Variants in EML2 observed in about 807,000 individuals in gnomAD.
The protein encoded by EML2 is EMAP like 2.
In EML2, 59 loss-of-function variants were observed where a neutral mutation model predicts 84.7. The ratio of observed to expected loss-of-function variants is 0.70; its 90% CI spans 0.56 to 0.86. EML2 has a LOEUF of 0.86. Among genes scored for constraint, EML2 ranks in the 40% least tolerant of loss-of-function variants. EML2 has a pLI of 0.00. For missense variants in EML2, 818 were observed against 855.6 expected (o/e 0.96, Z 0.55); for synonymous variants, 352 against 348.9 (o/e 1.01, Z -0.10).
In EML2 at chr19:45,622,793, A is replaced by C. The variant is rs1367542501; in HGVS notation, c.842-1156T>G. ...CCGGGTTCGGTGGCTCATGCCTGTAATCCCAGCACTTTGGGAGGCCGAAGG... is the reference window on the plus strand; with the variant it reads ...CCGGGTTCGGTGGCTCATGCCTGTACTCCCAGCACTTTGGGAGGCCGAAGG... On this transcript the variant is annotated intron_variant, in intron 9 of 18. Transcript: ENST00000245925. Among the ~76,000 whole-genome samples the C allele has an allele frequency of 3.9e-5, 6 of 152,108 alleles. 1 individual carries two copies. The highest frequency in any genetic ancestry group is 3.9e-4 in the Admixed American group (6 of 15,262).
intron 10 of EML2, 46 bp downstream of exon 10, chr19:45,621,437 G>T: frequency 1.3e-6 from 2 of 1,572,268 alleles, no homozygotes; most frequent in East Asian, 2.3e-5. Context: ...TGGTGAGATC[G>T]GGGGGGGCCT....
chr19:45,640,875 C>T (rs1974400938), upstream of EML2: 1 of 152,422 alleles, frequency 6.6e-6, no homozygotes, highest in Non-Finnish European at 1.5e-5. Flanking sequence ...AGTATGGCCC[C>T]GCCTCTGGAG....
upstream of EML2, among the ~76,000 whole-genome samples, chr19:45,643,064 A>G (rs1485663352): frequency 6.6e-6 from 1 of 152,204 alleles, no homozygotes; most frequent in Admixed American, 6.5e-5. Flanking sequence ...TCTATGAGTG[A>G]TAAGAGCATT....
upstream of EML2, among the ~76,000 whole-genome samples, chr19:45,644,249 G>A (rs1316664709): frequency 6.6e-6 from 1 of 152,140 alleles, no homozygotes; most frequent in Non-Finnish European, 1.5e-5. Flanking sequence ...TCCATTTTAG[G>A]AGGAGAGGAG....
chr19:45,626,878 A>G, intron 7 of EML2, 39 bp from the exon 8 acceptor site: 1 of 1,566,158 alleles, frequency 6.4e-7, no homozygotes, highest in Non-Finnish European at 8.7e-7. Flanking sequence ...AGGACCTCAA[A>G]GTCCCCAAGG....
chr19:45,614,526 T>C, intron 17 of EML2, 79 bp downstream of exon 17: 1 of 1,258,486 alleles, frequency 7.9e-7, no homozygotes, highest in Non-Finnish European at 1.2e-6. Flanking sequence ...AGGTAAGCAG[T>C]AAGACTCTGG....
At chr19:45,610,136 G>A (rs187412347) in intron 18 of EML2, among the ~76,000 whole-genome samples, 22 of 152,288 alleles carry the variant, frequency 1.4e-4, no homozygotes, top group East Asian at 5.8e-4. Flanking sequence ...GGTGGCTCAC[G>A]CCTGTAATCC....
Position 45,632,864 on chromosome 19 carries a change from T to C in EML2, c.507A>G (p.Lys169=). The change falls in exon 6 of 19, where the codon AAA becomes AAG. Residue 169 remains lysine (K), a synonymous_variant. Coordinates refer to ENST00000245925, the MANE Select transcript of EML2 (RefSeq NM_012155.4). The part of the protein sequence containing the change: ...DRAVCCVGFS[K]SNGGNLLCAV... ...TTAGGGTGGGCGAAGGACTTACAGA[T>C]TTGGAGAAGCCCACACAGCACACGG... The C allele has an allele frequency of 6.2e-7, 1 of 1,613,764 alleles. No homozygotes were observed. Among genetic ancestry groups the C allele is most frequent in the Non-Finnish European group, 8.5e-7 (1 of 1,179,816 alleles).
intron 13 of EML2, 76 bp from the exon 14 acceptor site, chr19:45,616,929 AAGGG>A: frequency 8.9e-7 from 1 of 1,127,158 alleles, no homozygotes; most frequent in South Asian, 1.3e-5. Context: ...TGTGGGGTCT[AAGGG>A]AGGGATCAGA....
intron 12 of EML2, among the ~76,000 whole-genome samples, chr19:45,617,913 C>T (rs1418664789): frequency 2.6e-5 from 4 of 152,200 alleles, no homozygotes; most frequent in Non-Finnish European, 5.9e-5. Flanking sequence ...TCCTGTCACT[C>T]CTGTCCCGGG....
At chr19:45,631,454 G>A (rs1041763054) in intron 6 of EML2, among the ~76,000 whole-genome samples, 12 of 151,574 alleles carry the variant, frequency 7.9e-5, no homozygotes, top group Admixed American at 6.6e-4. Flanking sequence ...AGTCTCACTC[G>A]GTCCCCTAGT....
Position 45,621,296 on chromosome 19 carries a change from C to T in EML2, c.1033G>A (p.Glu345Lys). ...ACGTACAGTGTGTCTCCGTGGCCCTCTGCCACGGTGCGCACAGGGCCAAAG... is the reference window on the plus strand; with the variant it reads ...ACGTACAGTGTGTCTCCGTGGCCCTTTGCCACGGTGCGCACAGGGCCAAAG... Reference protein sequence around the residue: ...EDFGPVRTVAEGHGDTLYVGT... With the variant: ...EDFGPVRTVAKGHGDTLYVGT... The change falls in exon 11 of 19, where the codon GAG (glutamate) becomes AAG (lysine). Residue 345 changes from glutamate (E) to lysine (K), a missense_variant. Physicochemically the swap from Glu to Lys is moderately conservative, Grantham distance 56. Transcript: ENST00000245925. The T allele has an allele frequency of 6.2e-7, 1 of 1,612,520 alleles. No homozygotes were observed. Among genetic ancestry groups the T allele is most frequent in the Non-Finnish European group, 8.5e-7 (1 of 1,179,004 alleles).
Position 45,629,993 on chromosome 19 carries a change from C to T in EML2, c.564G>A (p.Ser188=), listed in dbSNP as rs7251952. The T allele has an allele frequency of 0.12, 200,766 of 1,610,520 alleles. 12,993 individuals are homozygous for T. The highest frequency in any genetic ancestry group is 0.16 in the African/African-American group (11,690 of 74,830). ...AVDESNDHML[S]VWDWAKETKV... is the part of the protein sequence containing the mutation. ...TGGTCTCCTTGGCCCAGTCCCACAC[C>T]GAGAGCATGTGATCATTGGATTCAT... Residue 188 remains serine (S), a synonymous_variant, in exon 7 of 19, where the codon TCG becomes TCA. Transcript: ENST00000245925.
At chr19:45,639,221 A>G in intron 1 of EML2, 136 bp downstream of exon 1, 1 of 968,476 alleles carries the variant, frequency 1.0e-6, no homozygotes, top group Non-Finnish European at 1.5e-6. Flanking sequence ...CGTCAAGCAG[A>G]GGGAGAAACG....
chr19:45,633,257 G>A lies in EML2; in HGVS notation c.330-118C>T, dbSNP rs924277923. On this transcript the variant is annotated intron_variant, in intron 4 of 18. Transcript: ENST00000245925. Reference sequence around the variant, plus strand: ...AGTTTAGTCAATAAACGTGTATTTAGTGCATTAATAGCAGTGAGCGGATGC... The same window carrying A: ...AGTTTAGTCAATAAACGTGTATTTAATGCATTAATAGCAGTGAGCGGATGC... 12 of 993,308 alleles carry A rather than the reference G, an allele frequency of 1.2e-5. No homozygotes were observed. The African/African-American group carries it at 1.8e-4, about 15-fold the overall frequency. 61.5% of individuals were successfully genotyped at this position (993,308 alleles called of 1,614,324 possible).
At chr19:45,643,311 T>C (rs1240774922), upstream of EML2, among the ~76,000 whole-genome samples, 3 of 152,002 alleles carry the variant, frequency 2.0e-5, no homozygotes, top group Admixed American at 2.0e-4. Context: ...GACTTGGGGG[T>C]TGCAGGCAGC....
At chr19:45,612,226 T>A (rs10422508) in intron 18 of EML2, among the ~76,000 whole-genome samples, 1 of 151,814 alleles carries the variant, frequency 6.6e-6, no homozygotes, top group Non-Finnish European at 1.5e-5. Flanking sequence ...CACTACGCCT[T>A]GCTAACTTTT....
upstream of EML2, among the ~76,000 whole-genome samples, chr19:45,643,182 C>A (rs555817380): frequency 6.6e-5 from 10 of 152,286 alleles, no homozygotes; most frequent in South Asian, 8.3e-4. Flanking sequence ...TTCACTGTTT[C>A]TAAGACTTTC....
chr19:45,630,551 C>A (rs368789320), intron 6 of EML2, among the ~76,000 whole-genome samples: 1,167 of 105,384 alleles, frequency 0.011, no homozygotes, highest in Non-Finnish European at 0.011. Flanking sequence ...GACTCTGTCT[C>A]AAAAAAAAAA....
Sources: allele counts gnomAD v4.1 joint callset (sites outside exome capture counted in the v4.1 genomes callset), GRCh38; gene constraint gnomAD v4.1.1; transcripts MANE v1.5; gene names NCBI Gene and HGNC (gene_info 2026-07-23, HGNC 2026-07-21).